The following BRD1 variants were observed in gnomAD, a reference collection of about 807,000 sequenced individuals.
BRD1 encodes bromodomain-containing protein 1.
BRD1 carries 24 observed loss-of-function variants against 107.7 expected under a neutral mutation model. The observed-to-expected ratio is 0.22, with a 90% CI of 0.16 to 0.31. The LOEUF (loss-of-function observed/expected upper bound fraction) is 0.31. Among genes scored for constraint, BRD1 ranks in the 10% least tolerant of loss-of-function variants. The pLI, the probability that BRD1 is intolerant of heterozygous loss-of-function variation, is 1.00. For missense variants in BRD1, 1,279 were observed against 1,638.6 expected, an observed-to-expected ratio of 0.78 and a Z score of 3.79; for synonymous variants, 744 against 686.1, an observed-to-expected ratio of 1.08 and a Z score of -1.32.
In BRD1 at chr22:49,827,096, A is replaced by C. The variant is rs7286300; in HGVS notation, c.-15+401T>G. The stretch of plus-strand genomic sequence containing the variant: ...GCAGAGCTCGGCGGGCCTGTCTGTT[A>C]CATAAGGGGCGGCCCGGCCGGCTCG... On this transcript the variant is annotated intron_variant, in intron 1 of 12. Transcript: ENST00000404760. Among the ~76,000 whole-genome samples, 4 of 151,518 alleles carry C rather than the reference A, an allele frequency of 2.6e-5. No individual in the cohort carries two copies. The South Asian group carries it at 8.3e-4, about 31-fold the overall frequency.
intron 2 of BRD1, chr22:49,820,752 G>A (rs2060050351): frequency 6.6e-6 from 1 of 152,390 alleles, no homozygotes; most frequent in Non-Finnish European, 1.5e-5. Context: ...CCACAGCAAG[G>A]CAGTAAACCC....
intron 5 of BRD1, 115 bp downstream of exon 5, chr22:49,798,443 G>A (rs1475797349): frequency 3.5e-5 from 53 of 1,494,994 alleles, no homozygotes; most frequent in African/African-American, 5.6e-5. Context: ...AAATAAAAAC[G>A]AGAATTAAGA....
At chr22:49,804,021 G>A (rs2059693381) in intron 3 of BRD1, among the ~76,000 whole-genome samples, 183 bp downstream of exon 3, 1 of 152,244 alleles carries the variant, frequency 6.6e-6, no homozygotes, top group Non-Finnish European at 1.5e-5. Flanking sequence ...CCCCCGAGTC[G>A]CAGATCCAGA....
intron 8 of BRD1, among the ~76,000 whole-genome samples, chr22:49,780,447 C>G (rs116225269): frequency 1.3e-5 from 2 of 152,174 alleles, no homozygotes; most frequent in East Asian, 1.9e-4. Flanking sequence ...CCAGCCCAAC[C>G]GAGACACCAC....
At chr22:49,779,713 G>A (rs1330356869) in intron 8 of BRD1, among the ~76,000 whole-genome samples, 3 of 152,054 alleles carry the variant, frequency 2.0e-5, no homozygotes, top group African/African-American at 2.4e-5. Context: ...AGGCCCCGAA[G>A]ATGTCTCAAG....
At chr22:49,822,633 C>T (rs867571457) in intron 2 of BRD1, among the ~76,000 whole-genome samples, 13 of 152,104 alleles carry the variant, frequency 8.5e-5, no homozygotes, top group Middle Eastern at 3.4e-3. Flanking sequence ...TTGCTTGAAC[C>T]CAGGAGGCGG....
Position 49,787,379 on chromosome 22 carries a change from G to C in BRD1, c.2857+11C>G. ...GCAAGGGCGCCTCTCAGGGCCGCCC[G>C]CGGCATTTACCTGCGTCCAGGCGCT... is the stretch of plus-strand genomic sequence containing the variant. On this transcript the variant is annotated intron_variant, in intron 8 of 12. Transcript: ENST00000404760. 2.7e-6 allele frequency: 4 copies of C among 1,495,664 alleles called. No individual in the cohort carries two copies. The highest frequency in any genetic ancestry group is 2.7e-6 in the Non-Finnish European group (3 of 1,113,066). 92.6% of individuals were successfully genotyped at this position (1,495,664 alleles called of 1,614,324 possible).
chr22:49,787,523 C>A lies in BRD1; in HGVS notation c.2724G>T (p.Gln908His), dbSNP rs1174737963. 1.2e-6 allele frequency: 2 copies of A among 1,612,566 alleles called. No individual in the cohort carries two copies. The highest frequency in any genetic ancestry group is 1.7e-6 in the Non-Finnish European group (2 of 1,179,298). Reference protein sequence around the residue: ...KNTETQPTSPQLGTKTFLSVV... With the variant: ...KNTETQPTSPHLGTKTFLSVV... The stretch of plus-strand genomic sequence containing the variant: ...CAGACAAAAAGGTTTTGGTCCCTAG[C>A]TGAGGAGAAGTTGGCTGGGTTTCAG... Residue 908 changes from glutamine (Q) to histidine (H), a missense_variant, in exon 8 of 13, where the codon CAG (glutamine) becomes CAT (histidine). By Grantham distance (24) the Gln-to-His change is conservative. Coordinates refer to ENST00000404760, the MANE Select transcript of BRD1 (RefSeq NM_001304808.3).
chr22:49,802,776 C>A (rs1431686234), intron 3 of BRD1, among the ~76,000 whole-genome samples: 1 of 152,270 alleles, frequency 6.6e-6, no homozygotes, highest in Admixed American at 6.5e-5. Flanking sequence ...AAGAGCCCCC[C>A]AAACCGTGCT....
chr22:49,804,420 A>T, intron 2 of BRD1, 60 bp from the exon 3 acceptor site: 1 of 1,522,634 alleles, frequency 6.6e-7, no homozygotes, highest in Non-Finnish European at 8.9e-7. Context: ...TCATCACATA[A>T]ACTAGAAATG....
intron 8 of BRD1, among the ~76,000 whole-genome samples, chr22:49,785,617 A>G (rs375029923): frequency 6.6e-6 from 1 of 152,384 alleles, no homozygotes; most frequent in South Asian, 2.1e-4. Flanking sequence ...ATCTATTCTT[A>G]TTGGTATCTT....
At chr22:49,822,513 G>A (rs2060085915) in intron 2 of BRD1, among the ~76,000 whole-genome samples, 3 of 150,548 alleles carry the variant, frequency 2.0e-5, no homozygotes, top group Admixed American at 6.6e-5. Flanking sequence ...TTTGAGACCA[G>A]CCTAGCCAAC....
At chr22:49,811,810 G>T (rs887803663) in intron 2 of BRD1, among the ~76,000 whole-genome samples, 7 of 152,192 alleles carry the variant, frequency 4.6e-5, no homozygotes, top group African/African-American at 1.7e-4. Context: ...GGATGGAATG[G>T]GACACACCGC....
chr22:49,804,027 C>T (rs374957161), intron 3 of BRD1, among the ~76,000 whole-genome samples, 177 bp downstream of exon 3: 2 of 152,376 alleles, frequency 1.3e-5, no homozygotes, highest in African/African-American at 4.8e-5. Flanking sequence ...AGTCGCAGAT[C>T]CAGAGCCCAG....
Position 49,773,972 on chromosome 22 carries a change from A to G in BRD1, c.*261T>C, listed in dbSNP as rs2059032772. The G allele has an allele frequency of 5.6e-6, 2 of 356,300 alleles. No homozygotes were observed. Among genetic ancestry groups the G allele is most frequent in the East Asian group, 4.3e-5 (1 of 23,350 alleles). The allele number at this position is 356,300 out of a possible 1,614,324, so 22.1% of individuals were successfully genotyped here. Reference sequence around the variant, plus strand: ...TCAAAAGTCTTTAAGAAAAAGCTACATATCAAAGAAAGTGACGCCAGCAGC... The same window carrying G: ...TCAAAAGTCTTTAAGAAAAAGCTACGTATCAAAGAAAGTGACGCCAGCAGC... On this transcript the variant is annotated 3_prime_UTR_variant, in exon 13 of 13. Transcript: ENST00000404760.
chr22:49,785,512 G>A (rs1037162939), intron 8 of BRD1, among the ~76,000 whole-genome samples: 6 of 152,188 alleles, frequency 3.9e-5, no homozygotes, highest in East Asian at 3.9e-4. Context: ...CAGAATTTCC[G>A]GGGTGCTTGG....
At position 49,774,260 on chromosome 22, in the gene BRD1, C is replaced by T. The variant is rs151282207; in HGVS notation, c.3543G>A (p.Pro1181=). Residue 1181 remains proline (P), a synonymous_variant, in exon 13 of 13, where the codon CCG becomes CCA. Coordinates refer to ENST00000404760, the MANE Select transcript of BRD1 (RefSeq NM_001304808.3). The stretch of plus-strand genomic sequence containing the variant: ...AGTCAATGTCACTGAGGTCGCTGGT[C>T]GGCTCCCCGTGGACGCGGCTCAGGT... The part of the protein sequence containing the change: ...MNHLSRVHGE[P]TSDLSDID 3.7e-6 allele frequency: 6 copies of T among 1,613,988 alleles called. No individual in the cohort carries two copies. Among genetic ancestry groups the T allele is most frequent in the Non-Finnish European group, 3.4e-6 (4 of 1,179,934 alleles).
intron 7 of BRD1, among the ~76,000 whole-genome samples, chr22:49,789,308 C>T (rs1045682227): frequency 1.2e-4 from 18 of 152,154 alleles, no homozygotes; most frequent in Middle Eastern, 3.2e-3. Context: ...GAACACTGGC[C>T]GGAGGGAACT....
In BRD1 at chr22:49,824,296, G is replaced by A. The variant is rs753681600; in HGVS notation, c.22C>T (p.His8Tyr). The A allele has an allele frequency of 1.2e-6, 2 of 1,613,326 alleles. No homozygotes were observed. Among genetic ancestry groups the A allele is most frequent in the East Asian group, 2.2e-5 (1 of 44,880 alleles). MRRKGRC[H>Y]RGSAARHPSS... ...GGATGCCTCGCTGCAGAGCCTCGAT[G>A]ACATCGTCCTTTCCTCCTCATTTGG... Residue 8 changes from histidine (H) to tyrosine (Y), a missense_variant, in exon 2 of 13, where the codon CAT (histidine) becomes TAT (tyrosine). Coordinates refer to ENST00000404760, the MANE Select transcript of BRD1 (RefSeq NM_001304808.3). The surrounding 1 kb of genome is among the most constrained non-coding windows in gnomAD (Gnocchi z 5.9).
Sources: allele counts gnomAD v4.1 joint callset (sites outside exome capture counted in the v4.1 genomes callset), GRCh38; gene constraint gnomAD v4.1.1; non-coding constraint Gnocchi (gnomAD v3.1); transcripts MANE v1.5; gene names NCBI Gene and HGNC (gene_info 2026-07-23, HGNC 2026-07-21).